Variants in KCNMA1 observed in about 807,000 individuals in gnomAD.
KCNMA1 encodes Calcium-activated potassium channel subunit alpha-1.
Under a neutral mutation model 140.0 loss-of-function variants are expected in KCNMA1, and 29 were observed. The ratio of observed to expected loss-of-function variants is 0.21; its 90% confidence interval spans 0.15 to 0.28. The LOEUF (loss-of-function observed/expected upper bound fraction) is 0.28, where lower values mean the gene tolerates loss of function less well. Ranked by LOEUF, KCNMA1 falls within the 10% of genes least tolerant of loss-of-function variation. The pLI, the probability that KCNMA1 is intolerant of heterozygous loss-of-function variation, is 1.00. For synonymous variants in KCNMA1, 612 were observed against 611.9 expected, an observed-to-expected ratio of 1.00 and a Z score of 0.00; for missense variants, 880 against 1,602.2, an observed-to-expected ratio of 0.55 and a Z score of 7.70.
intron 1 of KCNMA1, among the ~76,000 whole-genome samples, chr10:77,419,543 C>A (rs139595596): frequency 6.6e-6 from 1 of 152,236 alleles, no homozygotes; most frequent in East Asian, 1.9e-4. Flanking sequence ...GGTGAGACGC[C>A]AGCCAAGGAG....
chr10:77,310,207 T>A (rs1411975319), intron 2 of KCNMA1, among the ~76,000 whole-genome samples: 1 of 152,214 alleles, frequency 6.6e-6, no homozygotes, highest in Non-Finnish European at 1.5e-5. Flanking sequence ...AACCAGTCTC[T>A]CAAATATTGA....
intron 2 of KCNMA1, among the ~76,000 whole-genome samples, chr10:77,312,873 C>A (rs929232028): frequency 1.3e-5 from 2 of 152,154 alleles, no homozygotes; most frequent in Non-Finnish European, 2.9e-5. Context: ...CATGATTTCA[C>A]CTAGTAGGTC....
chr10:77,547,777 G>A (rs1018977211), intron 1 of KCNMA1, among the ~76,000 whole-genome samples: 1 of 152,128 alleles, frequency 6.6e-6, no homozygotes, highest in African/African-American at 2.4e-5. Context: ...ACCAAAGATG[G>A]GCTGACCCAA....
intron 3 of KCNMA1, among the ~76,000 whole-genome samples, chr10:77,235,629 C>G (rs2055174275): frequency 6.6e-6 from 1 of 152,150 alleles, no homozygotes. Context: ...CCCGGGTATG[C>G]AGAGGAGCCA....
chr10:77,413,591 G>A (rs77670980), intron 1 of KCNMA1, among the ~76,000 whole-genome samples: 65 of 152,224 alleles, frequency 4.3e-4, no homozygotes, highest in African/African-American at 1.5e-3. Context: ...GTTACTCTGA[G>A]ACTCAAGGAC....
chr10:77,045,161 C>T (rs953129682), intron 14 of KCNMA1, among the ~76,000 whole-genome samples: 2 of 152,236 alleles, frequency 1.3e-5, no homozygotes, highest in African/African-American at 4.8e-5. Context: ...CTGTTCCCCA[C>T]ATTTGTGTTG....
Position 76,885,950 on chromosome 10 carries a change from C to T in KCNMA1, c.*1316G>A, listed in dbSNP as rs1020168446. 3.0e-6 allele frequency: 3 copies of T among 985,436 alleles called. No homozygotes were observed. Among genetic ancestry groups the T allele is most frequent in the Non-Finnish European group, 2.4e-6 (2 of 829,926 alleles). 61.0% of individuals were successfully genotyped at this position (985,436 alleles called of 1,614,324 possible). On this transcript the variant is annotated 3_prime_UTR_variant, in exon 28 of 28. Coordinates refer to ENST00000286628, the MANE Select transcript of KCNMA1 (RefSeq NM_001161352.2). Reference sequence around the variant, plus strand: ...ATGACAAGGAGCAGCTCTCTATTGCCGTCATTACCCTGCCTAAATTGGCTA... The same window carrying T: ...ATGACAAGGAGCAGCTCTCTATTGCTGTCATTACCCTGCCTAAATTGGCTA...
chr10:77,203,524 G>A (rs1331814211), intron 3 of KCNMA1, among the ~76,000 whole-genome samples: 2 of 152,092 alleles, frequency 1.3e-5, no homozygotes, highest in Non-Finnish European at 2.9e-5. Context: ...CACTCATGAA[G>A]TGGTAATTTA....
intron 19 of KCNMA1, among the ~76,000 whole-genome samples, chr10:76,993,917 G>T (rs1473418285): frequency 6.6e-6 from 1 of 152,154 alleles, no homozygotes; most frequent in Admixed American, 6.5e-5. Context: ...TGTGCAGGAG[G>T]CCCCCCCAGG....
chr10:77,341,903 C>A (rs144278912), intron 2 of KCNMA1, among the ~76,000 whole-genome samples: 6 of 152,212 alleles, frequency 3.9e-5, no homozygotes, highest in African/African-American at 1.2e-4. Flanking sequence ...TGCTTACTGT[C>A]CCAAATGGAA....
At chr10:77,064,209 C>G (rs1374221690) in intron 14 of KCNMA1, 1 of 638,154 alleles carries the variant, frequency 1.6e-6, no homozygotes, top group Non-Finnish European at 1.9e-6. Context: ...GTTTGCTTTA[C>G]CTTTAATGCT....
intron 9 of KCNMA1, among the ~76,000 whole-genome samples, chr10:77,096,229 G>A (rs563005127): frequency 1.3e-5 from 2 of 152,242 alleles, no homozygotes; most frequent in Admixed American, 6.5e-5. Flanking sequence ...ACCTAAGCTG[G>A]GAATTGGGAG....
intron 1 of KCNMA1, among the ~76,000 whole-genome samples, chr10:77,550,548 A>G (rs985666884): frequency 6.6e-6 from 1 of 152,194 alleles, no homozygotes; most frequent in Non-Finnish European, 1.5e-5. Flanking sequence ...GATCTCACGT[A>G]GATCCACAGA....
chr10:77,562,391 T>C (rs915187193), intron 1 of KCNMA1, among the ~76,000 whole-genome samples: 2 of 152,242 alleles, frequency 1.3e-5, no homozygotes, highest in African/African-American at 2.4e-5. Context: ...GTTGCACAAA[T>C]GTATACTTCC....
At chr10:77,343,964 T>C (rs1337239175) in intron 2 of KCNMA1, among the ~76,000 whole-genome samples, 1 of 152,188 alleles carries the variant, frequency 6.6e-6, no homozygotes, top group East Asian at 1.9e-4. Context: ...TGCCCACTCA[T>C]GGGCCTAGGC....
chr10:77,435,379 A>G (rs1230107811), intron 1 of KCNMA1, among the ~76,000 whole-genome samples: 1 of 152,230 alleles, frequency 6.6e-6, no homozygotes, highest in Non-Finnish European at 1.5e-5. Flanking sequence ...AAACCAGGGT[A>G]TGAAATTCTA....
intron 14 of KCNMA1, among the ~76,000 whole-genome samples, chr10:77,072,148 C>A (rs1405437699): frequency 6.6e-6 from 1 of 152,228 alleles, no homozygotes; most frequent in South Asian, 2.1e-4. Flanking sequence ...TCCCACCTTG[C>A]CAGCTATTAA....
chr10:76,890,529 C>G (rs982039810), intron 26 of KCNMA1, among the ~76,000 whole-genome samples: 1 of 152,154 alleles, frequency 6.6e-6, no homozygotes, highest in Non-Finnish European at 1.5e-5. Context: ...CAAAAAAAGC[C>G]TAGTCTAACA....
At chr10:77,394,122 G>A (rs1268167459) in intron 2 of KCNMA1, among the ~76,000 whole-genome samples, 1 of 152,256 alleles carries the variant, frequency 6.6e-6, no homozygotes, top group African/African-American at 2.4e-5. Context: ...CTTCAGAGGA[G>A]AGGGAAAACA....
Sources: allele counts gnomAD v4.1 joint callset (sites outside exome capture counted in the v4.1 genomes callset), GRCh38; gene constraint gnomAD v4.1.1; transcripts MANE v1.5; gene names NCBI Gene and HGNC (gene_info 2026-07-23, HGNC 2026-07-21).